The following TAF6L variants were observed in gnomAD, a reference collection of about 807,000 sequenced individuals.
The protein encoded by TAF6L is TAF6-like RNA polymerase II p300/CBP-associated factor-associated factor 65 kDa subunit 6L.
Under a neutral mutation model 57.3 loss-of-function variants are expected in TAF6L, and 34 were observed. The ratio of observed to expected loss-of-function variants is 0.59; its 90% CI spans 0.45 to 0.79. The LOEUF (loss-of-function observed/expected upper bound fraction) is 0.79, where lower values mean the gene tolerates loss of function less well. Ranked by LOEUF, TAF6L falls within the 30% of genes least tolerant of loss-of-function variation. TAF6L has a pLI of 0.00. For synonymous variants in TAF6L, 417 were observed against 376.3 expected (o/e 1.11, Z -1.25); for missense variants, 782 against 853.2 (o/e 0.92, Z 1.04).
In TAF6L at chr11:62,778,904, C is replaced by G; in HGVS notation, c.472C>G (p.Leu158Val). The G allele has an allele frequency of 6.2e-7, 1 of 1,614,066 alleles. No homozygotes were observed. The highest frequency in any genetic ancestry group is 8.5e-7 in the Non-Finnish European group (1 of 1,180,006). ...SAVSSLTDDL[L>V]KYYHQVTRAV... is the part of the protein sequence containing the mutation. ...TGTGTCTTCACTGACAGATGACCTT[C>G]TCAAGTACTATCACCAGGTGACTCG... The change falls in exon 6 of 11, where the codon CTC (leucine) becomes GTC (valine). Residue 158 changes from leucine to valine, a missense_variant. By Grantham distance (32) the Leu-to-Val change is conservative. Transcript: ENST00000294168.
chr11:62,773,626 T>C (rs1363087373), intron 1 of TAF6L, among the ~76,000 whole-genome samples: 1 of 152,030 alleles, frequency 6.6e-6, no homozygotes, highest in Non-Finnish European at 1.5e-5. Context: ...TTTGTATTTG[T>C]AGTAGAGATG....
intron 3 of TAF6L, among the ~76,000 whole-genome samples, chr11:62,777,372 C>T (rs2084195342): frequency 6.6e-6 from 1 of 152,090 alleles, no homozygotes; most frequent in Non-Finnish European, 1.5e-5. Flanking sequence ...ATAAGGGAAG[C>T]AAGACCCTGA....
chr11:62,778,819 G>A (rs749321055), intron 5 of TAF6L, 50 bp from the exon 6 acceptor site: 2 of 1,523,874 alleles, frequency 1.3e-6, no homozygotes, highest in South Asian at 2.2e-5. Flanking sequence ...GAGAGGCCAG[G>A]AGAGGGCCAG....
intron 1 of TAF6L, among the ~76,000 whole-genome samples, chr11:62,773,258 C>T (rs1215285344): frequency 6.6e-6 from 1 of 151,982 alleles, no homozygotes; most frequent in Non-Finnish European, 1.5e-5. Flanking sequence ...AGCAATTCTC[C>T]TGCCTCAGCC....
intron 9 of TAF6L, among the ~76,000 whole-genome samples, chr11:62,783,824 C>T (rs377428417): frequency 4.6e-5 from 7 of 150,852 alleles, no homozygotes; most frequent in East Asian, 2.0e-4. Context: ...TGAGCCACCA[C>T]GCCCAGCCGA....
At chr11:62,772,879 TG>T (rs2134695173) in intron 1 of TAF6L, among the ~76,000 whole-genome samples, 1 of 152,102 alleles carries the variant, frequency 6.6e-6, no homozygotes, top group South Asian at 2.1e-4. Flanking sequence ...TTTTGTTTTT[TG>T]TTTTGTGTTT....
At chr11:62,772,232 C>CCTG in intron 1 of TAF6L, 1 of 430,042 alleles carries the variant, frequency 2.3e-6, no homozygotes, top group South Asian at 1.6e-5. Flanking sequence ...TAGTACAGTG[C>CCTG]TATTCGTGGC....
At chr11:62,779,245 A>T (rs2134709083) in intron 6 of TAF6L, among the ~76,000 whole-genome samples, 1 of 152,132 alleles carries the variant, frequency 6.6e-6, no homozygotes, top group South Asian at 2.1e-4. Flanking sequence ...CCCAGGCTGG[A>T]GTGCAGTGGC....
In TAF6L at chr11:62,786,751, C is replaced by T; in HGVS notation, c.1324C>T (p.Arg442Trp). The stretch of plus-strand genomic sequence containing the variant: ...TTCGGTGACCCTGGCCGACATCTAC[C>T]GGGAGCTCTACGCCTTCTTCGGTGA... ...SLSVTLADIYRELYAFFGDSL... is the reference protein window; with the variant it reads ...SLSVTLADIYWELYAFFGDSL... Residue 442 changes from arginine (R) to tryptophan (W), a missense_variant, in exon 11 of 11, where the codon CGG becomes TGG. This residue lies in a region of TAF6L where 483 missense variants were observed against 445.1 expected (regional missense o/e 1.09). Transcript: ENST00000294168. The T allele has an allele frequency of 6.2e-7, 1 of 1,613,134 alleles. No individual in the cohort carries two copies. The highest frequency in any genetic ancestry group is 8.5e-7 in the Non-Finnish European group (1 of 1,179,880).
rs1336647551 is a variant in TAF6L, at chr11:62,786,365, C to T, written c.1066C>T (p.His356Tyr). 6.2e-7 allele frequency: 1 copy of T among 1,614,152 alleles called. No homozygotes were observed. Among genetic ancestry groups the T allele is most frequent in the Non-Finnish European group, 8.5e-7 (1 of 1,179,992 alleles). ...VSNAQVKADG[H>Y]KVYGAILVAV... is the part of the protein sequence containing the mutation. ...TAATGCCCAGGTCAAAGCAGATGGA[C>T]ACAAAGTCTATGGAGCCATTCTGGT... Residue 356 changes from histidine (H) to tyrosine (Y), a missense_variant, in exon 10 of 11, where the codon CAC (histidine) becomes TAC (tyrosine). Transcript: ENST00000294168.
intron 1 of TAF6L, among the ~76,000 whole-genome samples, chr11:62,772,806 A>C (rs75281894): frequency 8.9e-6 from 1 of 112,940 alleles, no homozygotes; most frequent in Non-Finnish European, 1.7e-5. Flanking sequence ...CATCATCTCC[A>C]AAAAAAAAAA....
At position 62,779,971 on chromosome 11, in the gene TAF6L, TA is replaced by T. The variant is rs1565188250; in HGVS notation, c.531+1009del. Among the ~76,000 whole-genome samples, 629 of 70,852 alleles carry T rather than the reference TA, an allele frequency of 8.9e-3. 6 individuals are homozygous for T. The highest frequency in any genetic ancestry group is 0.024 in the African/African-American group (600 of 25,386). The allele number at this position is 70,852 out of a possible 152,430, so 46.5% of individuals were successfully genotyped here. On this transcript the variant is annotated intron_variant, in intron 6 of 10. Coordinates refer to ENST00000294168, the MANE Select transcript of TAF6L (RefSeq NM_006473.4). ...GTGAGCCTATATATATATATATATA[TA>T]TATATTTTTTTTTTTTTTTTTTTTA... is the stretch of plus-strand genomic sequence containing the variant.
Position 62,781,917 on chromosome 11 carries a change from G to A in TAF6L, c.555G>A (p.Thr185=), listed in dbSNP as rs772348407. 56 of 1,614,068 alleles carry A rather than the reference G, an allele frequency of 3.5e-5. No homozygotes were observed. Among genetic ancestry groups the A allele is most frequent in the South Asian group, 5.5e-5 (5 of 91,048 alleles). The change falls in exon 7 of 11, where the codon ACG becomes ACA. Residue 185 remains threonine, a synonymous_variant. Coordinates refer to ENST00000294168, the MANE Select transcript of TAF6L (RefSeq NM_006473.4). ...LMKVALQDLQ[T]NSKIGALLPY... ...AGGTTGCACTCCAGGACTTGCAGAC[G>A]AACTCCAAGATTGGGGCACTCCTGC...
At position 62,787,051 on chromosome 11, in the gene TAF6L, G is replaced by C. The variant is rs1418708505; in HGVS notation, c.1624G>C (p.Gly542Arg). ...ACCCCGGCAGCAGGGCCCCGGGACCGGCACCCGCGACGTTTTCCAGAAGAG... is the reference window on the plus strand; with the variant it reads ...ACCCCGGCAGCAGGGCCCCGGGACCCGCACCCGCGACGTTTTCCAGAAGAG... ...GAPRQQGPGT[G>R]TRDVFQKSRF... Residue 542 changes from glycine to arginine, a missense_variant, in exon 11 of 11, where the codon GGC becomes CGC. Physicochemically the swap from Gly to Arg is moderately radical, Grantham distance 125. Transcript: ENST00000294168. 24 of 1,521,930 alleles carry C rather than the reference G, an allele frequency of 1.6e-5. No homozygotes were observed. The highest frequency in any genetic ancestry group is 2.0e-5 in the Non-Finnish European group (23 of 1,142,014). 94.3% of individuals were successfully genotyped at this position (1,521,930 alleles called of 1,614,324 possible).
At position 62,784,248 on chromosome 11, in the gene TAF6L, A is replaced by G. The variant is rs1374944924; in HGVS notation, c.960+1423A>G. On this transcript the variant is annotated intron_variant, in intron 9 of 10. Transcript: ENST00000294168. Reference sequence around the variant, plus strand: ...CGTGTTCCGCCCGCCTCGGCTTCCCAAAGTGCTGGGATTACAGGCGTGAGC... The same window carrying G: ...CGTGTTCCGCCCGCCTCGGCTTCCCGAAGTGCTGGGATTACAGGCGTGAGC... Among the ~76,000 whole-genome samples the G allele has an allele frequency of 2.7e-5, 4 of 150,324 alleles. No individual in the cohort carries two copies. In the South Asian group the frequency reaches 8.4e-4, roughly 32 times the overall value.
chr11:62,785,693 C>T (rs1311407789), intron 9 of TAF6L, among the ~76,000 whole-genome samples: 1 of 152,026 alleles, frequency 6.6e-6, no homozygotes, highest in Non-Finnish European at 1.5e-5. Flanking sequence ...TGCTACTGCG[C>T]CCAGCTAATT....
chr11:62,784,979 C>T (rs1485167260), intron 9 of TAF6L, among the ~76,000 whole-genome samples: 4 of 151,966 alleles, frequency 2.6e-5, no homozygotes, highest in Non-Finnish European at 4.4e-5. Context: ...TTTATATTTA[C>T]TTTAATAAGA....
intron 1 of TAF6L, 70 bp from the exon 2 acceptor site, chr11:62,775,701 G>A (rs1354730141): frequency 8.0e-6 from 12 of 1,501,132 alleles, no homozygotes; most frequent in African/African-American, 1.4e-5. Flanking sequence ...GGTGTGGAGG[G>A]TGTTGGATCA....
rs1419983170 is a variant in TAF6L, at chr11:62,786,083, G to A, written c.961-177G>A. 3 of 707,498 alleles carry A rather than the reference G, an allele frequency of 4.2e-6. No individual in the cohort carries two copies. In the Admixed American group the frequency reaches 7.1e-5, roughly 17 times the overall value. The allele number at this position is 707,498 out of a possible 1,614,324, so 43.8% of individuals were successfully genotyped here. On this transcript the variant is annotated intron_variant, in intron 9 of 10. Coordinates refer to ENST00000294168, the MANE Select transcript of TAF6L (RefSeq NM_006473.4). ...ACCTTATCTTTATTCCCAATGCCTA[G>A]CTTAGGTATACAGTAGGTTCCAAAT...
Sources: gnomAD v4.1 joint callset for allele counts (sites outside exome capture counted in the v4.1 genomes callset) on GRCh38, gnomAD v4.1.1 for gene constraint, gnomAD v4.1.1 regional missense constraint, MANE v1.5 for transcripts, NCBI Gene and HGNC (gene_info 2026-07-23, HGNC 2026-07-21) for gene names.